The following SCCPDH variants were observed in gnomAD, a reference collection of about 807,000 sequenced individuals.
SCCPDH encodes saccharopine dehydrogenase-like oxidoreductase.
SCCPDH carries 34 observed loss-of-function variants against 51.5 expected under a neutral mutation model. The ratio of observed to expected loss-of-function variants is 0.66; its 90% CI spans 0.50 to 0.88. The LOEUF (loss-of-function observed/expected upper bound fraction) is 0.88, where lower values mean the gene tolerates loss of function less well. Among genes scored for constraint, SCCPDH ranks in the 40% least tolerant of loss-of-function variants. The probability of loss-of-function intolerance (pLI) is 0.00; values close to 1 mark genes in which losing one functional copy is unlikely to be tolerated. For synonymous variants in SCCPDH, 187 were observed against 191.3 expected (o/e 0.98, Z 0.19); for missense variants, 464 against 527.1 (o/e 0.88, Z 1.17).
chr1:246,736,102 G>C (rs775999822), intron 3 of SCCPDH, 47 bp downstream of exon 3: 1 of 1,339,278 alleles, frequency 7.5e-7, no homozygotes. Flanking sequence ...CATAAATTTC[G>C]GTTTAATGAA....
chr1:246,767,535 A>G lies in SCCPDH; in HGVS notation c.*235A>G, dbSNP rs565188956. 1 of 271,316 alleles carries G rather than the reference A, an allele frequency of 3.7e-6. No homozygotes were observed. Among genetic ancestry groups the G allele is most frequent in the South Asian group, 9.9e-5 (1 of 10,148 alleles). The allele number at this position is 271,316 out of a possible 1,614,324, so 16.8% of individuals were successfully genotyped here. On this transcript the variant is annotated 3_prime_UTR_variant, in exon 12 of 12. Transcript: ENST00000366510. ...AACTCATATTTGACATATTTTTTTC[A>G]TTGATGTGTTCCTGGTAGATTTTCA...
intron 1 of SCCPDH, 104 bp downstream of exon 1, chr1:246,724,716 C>T: frequency 9.7e-7 from 1 of 1,030,522 alleles, no homozygotes. Context: ...TACGTGTCCC[C>T]GAGCCCTGCG....
In SCCPDH at chr1:246,764,887, G is replaced by A. The variant is rs2102991770; in HGVS notation, c.1102+530G>A. On this transcript the variant is annotated intron_variant, in intron 10 of 11. Coordinates refer to ENST00000366510, the MANE Select transcript of SCCPDH (RefSeq NM_016002.3). ...CAGACAGGTCCACTTGTGAACTGTG[G>A]TATAATTACTGTCAGAGACAGACAG... Among the ~76,000 whole-genome samples, 4 of 151,986 alleles carry A rather than the reference G, an allele frequency of 2.6e-5. No individual in the cohort carries two copies. The Middle Eastern group carries it at 0.014, about 517-fold the overall frequency.
At chr1:246,766,021 A>G in intron 10 of SCCPDH, 37 bp from the exon 11 acceptor site, 28 of 1,310,356 alleles carry the variant, frequency 2.1e-5, no homozygotes, top group Non-Finnish European at 2.7e-5. Flanking sequence ...GTACTTCATG[A>G]TTCCTTTCTT....
chr1:246,740,250 G>A lies in SCCPDH; in HGVS notation c.463G>A (p.Asp155Asn). The change falls in exon 4 of 12, where the codon GAC (aspartate) becomes AAC (asparagine). Residue 155 changes from aspartate (D) to asparagine (N), a missense_variant. Physicochemically the swap from Asp to Asn is conservative, Grantham distance 23. Transcript: ENST00000366510. ...TTATATCATTGGAAGCAGCGGCTTT[G>A]ACTCCATTCCAGCAGATCTGGGAGT... Reference protein sequence around the residue: ...GVYIIGSSGFDSIPADLGVIY... With the variant: ...GVYIIGSSGFNSIPADLGVIY... 6.2e-7 allele frequency: 1 copy of A among 1,610,924 alleles called. No homozygotes were observed. Among genetic ancestry groups the A allele is most frequent in the East Asian group, 2.2e-5 (1 of 44,834 alleles).
intron 2 of SCCPDH, among the ~76,000 whole-genome samples, chr1:246,728,017 G>A (rs953882338): frequency 5.6e-5 from 8 of 143,634 alleles, no homozygotes; most frequent in South Asian, 2.3e-4. Flanking sequence ...ATGGAATGGT[G>A]CAAGCACAAG....
At chr1:246,746,053 A>G (rs1412740175) in intron 5 of SCCPDH, among the ~76,000 whole-genome samples, 1 of 144,908 alleles carries the variant, frequency 6.9e-6, no homozygotes, top group Non-Finnish European at 1.5e-5. Flanking sequence ...GTTTGCAGTG[A>G]GCCAAGATCG....
intron 2 of SCCPDH, 35 bp downstream of exon 2, chr1:246,727,039 C>A: frequency 7.1e-7 from 1 of 1,402,104 alleles, no homozygotes; most frequent in Non-Finnish European, 1.0e-6. Context: ...TCAGAACAAA[C>A]AATCCATTCA....
intron 5 of SCCPDH, among the ~76,000 whole-genome samples, chr1:246,752,995 C>G (rs1268231551): frequency 3.3e-5 from 5 of 151,998 alleles, no homozygotes; most frequent in Non-Finnish European, 7.4e-5. Flanking sequence ...CTCCGCCTCT[C>G]TGTCTCTTTC....
At chr1:246,746,239 G>A (rs1359093213) in intron 5 of SCCPDH, among the ~76,000 whole-genome samples, 1 of 152,072 alleles carries the variant, frequency 6.6e-6, no homozygotes, top group Admixed American at 6.6e-5. Context: ...ACAACTCTAA[G>A]GGGGTCCACG....
intron 5 of SCCPDH, chr1:246,755,557 G>A (rs1668917859): frequency 6.6e-6 from 1 of 152,270 alleles, no homozygotes; most frequent in Non-Finnish European, 1.5e-5. Flanking sequence ...GTGACTAGTG[G>A]CCTAAGCAGG....
At chr1:246,733,990 A>G (rs912120319) in intron 2 of SCCPDH, among the ~76,000 whole-genome samples, 8 of 152,144 alleles carry the variant, frequency 5.3e-5, no homozygotes, top group African/African-American at 1.9e-4. Context: ...AGTAGGTGAG[A>G]TTTCCTGGGA....
At chr1:246,745,979 G>T (rs557664236) in intron 5 of SCCPDH, among the ~76,000 whole-genome samples, 1 of 152,068 alleles carries the variant, frequency 6.6e-6, no homozygotes, top group East Asian at 1.9e-4. Flanking sequence ...GTGGTGGCAG[G>T]CACCTGTAGT....
chr1:246,766,089 G>C lies in SCCPDH; in HGVS notation c.1134G>C (p.Met378Ile), dbSNP rs767503221. The C allele has an allele frequency of 3.7e-6, 6 of 1,613,466 alleles. No individual in the cohort carries two copies. In the African/African-American group the frequency reaches 6.7e-5, roughly 18 times the overall value. Residue 378 changes from methionine (M) to isoleucine (I), a missense_variant, in exon 11 of 12, where the codon ATG becomes ATC. Physicochemically the swap from Met to Ile is conservative, Grantham distance 10 (BLOSUM62 1). Coordinates refer to ENST00000366510, the MANE Select transcript of SCCPDH (RefSeq NM_016002.3). ...EAGYVATPIAMVQAAMTLLSD... is the reference protein window; with the variant it reads ...EAGYVATPIAIVQAAMTLLSD... ...GCTATGTGGCTACCCCCATAGCTAT[G>C]GTTCAGGCAGCCATGACTCTTCTAA...
chr1:246,725,892 G>A (rs754342554), intron 1 of SCCPDH, among the ~76,000 whole-genome samples: 2 of 152,112 alleles, frequency 1.3e-5, no homozygotes, highest in African/African-American at 4.8e-5. Flanking sequence ...ATTTTCTTAT[G>A]AGCCTGTGTG....
At chr1:246,724,711 G>A in intron 1 of SCCPDH, 99 bp downstream of exon 1, 1 of 1,091,818 alleles carries the variant, frequency 9.2e-7, no homozygotes, top group Non-Finnish European at 1.2e-6. Flanking sequence ...CGCCCTACGT[G>A]TCCCCGAGCC....
At chr1:246,758,997 G>A in intron 6 of SCCPDH, 37 bp from the exon 7 acceptor site, 1 of 1,168,300 alleles carries the variant, frequency 8.6e-7, no homozygotes, top group Non-Finnish European at 1.3e-6. Flanking sequence ...AGTTGTAATT[G>A]CAGGAAATGC....
At chr1:246,755,085 T>C (rs1304432808) in intron 5 of SCCPDH, among the ~76,000 whole-genome samples, 2 of 152,190 alleles carry the variant, frequency 1.3e-5, no homozygotes, top group Non-Finnish European at 2.9e-5. Flanking sequence ...GAGTAAGTAA[T>C]AGAAAGTGTA....
intron 5 of SCCPDH, among the ~76,000 whole-genome samples, chr1:246,753,761 C>G (rs1485980809): frequency 6.6e-6 from 1 of 151,582 alleles, no homozygotes; most frequent in Non-Finnish European, 1.5e-5. Context: ...TCTGAAAATC[C>G]TTTTTACATT....
Sources: gnomAD v4.1 joint callset for allele counts (sites outside exome capture counted in the v4.1 genomes callset) on GRCh38, gnomAD v4.1.1 for gene constraint, MANE v1.5 for transcripts, NCBI Gene and HGNC (gene_info 2026-07-23, HGNC 2026-07-21) for gene names.